The following TFDP1 variants were observed in gnomAD, a reference collection of about 807,000 sequenced individuals.
TFDP1 encodes DRTF1-polypeptide 1.
TFDP1 carries 6 observed loss-of-function variants against 48.0 expected under a neutral mutation model. The observed-to-expected ratio is 0.13, with a 90% CI of 0.07 to 0.25. The LOEUF (loss-of-function observed/expected upper bound fraction) is 0.25. TFDP1 is among the 10% of genes least tolerant of loss of function. The pLI is 1.00. For synonymous variants in TFDP1, 201 were observed against 211.6 expected (o/e 0.95, Z 0.44); for missense variants, 335 against 543.0 (o/e 0.62, Z 3.81).
intron 1 of TFDP1, among the ~76,000 whole-genome samples, 173 bp downstream of exon 1, chr13:113,585,061 G>A (rs887932990): frequency 6.8e-6 from 1 of 146,730 alleles, no homozygotes; most frequent in African/African-American, 2.4e-5. Context: ...CGCGCTCGGC[G>A]CTGGTAGGGG....
At chr13:113,632,460 A>C (rs2049361694) in intron 5 of TFDP1, among the ~76,000 whole-genome samples, 1 of 152,200 alleles carries the variant, frequency 6.6e-6, no homozygotes, top group South Asian at 2.1e-4. Context: ...CCAAATTTAC[A>C]CTGAAACGTC....
intron 2 of TFDP1, among the ~76,000 whole-genome samples, chr13:113,602,245 G>A (rs979887949): frequency 6.6e-6 from 1 of 151,306 alleles, no homozygotes; most frequent in Non-Finnish European, 1.5e-5. Flanking sequence ...TGCAGGAGTC[G>A]AGGGAGGAGT....
rs1477478713 is a variant in TFDP1, at chr13:113,585,847, G to A, written c.10G>A (p.Asp4Asn). The A allele has an allele frequency of 1.2e-6, 2 of 1,600,242 alleles. No individual in the cohort carries two copies. The highest frequency in any genetic ancestry group is 1.7e-6 in the Non-Finnish European group (2 of 1,169,310). ...TCCCGGATCTGGTAACATGGCAAAAGATGTAAGTATGTTTGCTTCATGCTG... is the reference window on the plus strand; with the variant it reads ...TCCCGGATCTGGTAACATGGCAAAAAATGTAAGTATGTTTGCTTCATGCTG... MAK[D>N]AGLIEANGEL... The change falls in exon 2 of 12, where the codon GAT (aspartate) becomes AAT (asparagine). Residue 4 changes from aspartate to asparagine, a missense_variant and splice_region_variant. Physicochemically the swap from Asp to Asn is conservative, Grantham distance 23. Transcript: ENST00000375370.
chr13:113,629,653 G>A (rs1190058431), intron 4 of TFDP1, among the ~76,000 whole-genome samples: 1 of 152,214 alleles, frequency 6.6e-6, no homozygotes, highest in Non-Finnish European at 1.5e-5. Context: ...AAGGTAGGCT[G>A]GCTAAGCTGT....
intron 2 of TFDP1, 94 bp downstream of exon 2, chr13:113,585,943 G>A: frequency 7.3e-7 from 1 of 1,377,784 alleles, no homozygotes; most frequent in Non-Finnish European, 1.0e-6. Flanking sequence ...CAACACATAA[G>A]CTACAGTAGT....
intron 3 of TFDP1, among the ~76,000 whole-genome samples, chr13:113,617,514 CTTCACCTGCAGAACCA>C (rs1338454292): frequency 2.7e-5 from 4 of 147,726 alleles, no homozygotes; most frequent in Non-Finnish European, 4.5e-5. Context: ...CTGCAGAGCC[CTTCACCTGCAGAACCA>C]TTCACCTGCA....
chr13:113,620,536 A>G (rs991972375), intron 3 of TFDP1, among the ~76,000 whole-genome samples: 58 of 152,358 alleles, frequency 3.8e-4, no homozygotes, highest in Admixed American at 8.5e-4. Flanking sequence ...GTGTTTACTC[A>G]TCTGTATGTG....
At chr13:113,599,150 A>C (rs2048351452) in intron 2 of TFDP1, among the ~76,000 whole-genome samples, 1 of 151,068 alleles carries the variant, frequency 6.6e-6, no homozygotes, top group Non-Finnish European at 1.5e-5. Context: ...GCTATGTTTT[A>C]CTCAACAGTT....
chr13:113,632,225 C>T (rs980442683), intron 5 of TFDP1, among the ~76,000 whole-genome samples: 2 of 152,232 alleles, frequency 1.3e-5, no homozygotes, highest in Non-Finnish European at 2.9e-5. Context: ...TCCTTAAAAA[C>T]ACACACACGC....
At position 113,598,361 on chromosome 13, in the gene TFDP1, C is replaced by G. The variant is rs1342646529; in HGVS notation, c.12+12512C>G. Among the ~76,000 whole-genome samples, 2 of 152,168 alleles carry G rather than the reference C, an allele frequency of 1.3e-5. No individual in the cohort carries two copies. The highest frequency in any genetic ancestry group is 2.9e-5 in the Non-Finnish European group (2 of 68,042). On this transcript the variant is annotated intron_variant, in intron 2 of 11. Coordinates refer to ENST00000375370, the MANE Select transcript of TFDP1 (RefSeq NM_007111.5). The surrounding 1 kb of genome is among the most constrained non-coding windows in gnomAD (Gnocchi z 4.2). ...GGTGTTTTTCTGCTGGAAAAGCAGG[C>G]TTTAGAGTGGTGGCTGAAAGTCTCA...
At chr13:113,595,235 A>G (rs570764781) in intron 2 of TFDP1, among the ~76,000 whole-genome samples, 1 of 152,210 alleles carries the variant, frequency 6.6e-6, no homozygotes, top group Admixed American at 6.5e-5. Context: ...CTGGTCCCCA[A>G]ATCTCTTGGC....
intron 10 of TFDP1, 48 bp downstream of exon 10, chr13:113,636,748 C>T: frequency 6.3e-7 from 1 of 1,589,126 alleles, no homozygotes; most frequent in Non-Finnish European, 8.6e-7. Flanking sequence ...GGAATGGCCC[C>T]CAGCCTCCGA....
chr13:113,615,110 G>T (rs1197773150), intron 3 of TFDP1, among the ~76,000 whole-genome samples: 1 of 152,196 alleles, frequency 6.6e-6, no homozygotes, highest in African/African-American at 2.4e-5. Context: ...GCATCCACAG[G>T]CTCCCCAAGG....
intron 3 of TFDP1, among the ~76,000 whole-genome samples, chr13:113,612,905 TC>T (rs377153204): frequency 2.5e-4 from 38 of 152,282 alleles, no homozygotes; most frequent in Middle Eastern, 3.4e-3. Context: ...GGCCCCCAGA[TC>T]CCTCCCACAT....
Position 113,637,858 on chromosome 13 carries a change from G to A in TFDP1, c.1047G>A (p.Thr349=), listed in dbSNP as rs146505939. The A allele has an allele frequency of 6.3e-5, 101 of 1,614,134 alleles. No individual in the cohort carries two copies. In the African/African-American group the frequency reaches 8.8e-4, roughly 14 times the overall value. The change falls in exon 11 of 12, where the codon ACG becomes ACA. Residue 349 remains threonine, a synonymous_variant. Coordinates refer to ENST00000375370, the MANE Select transcript of TFDP1 (RefSeq NM_007111.5). ...CTGTTGGAGGCGTGTTCATCACGAC[G>A]GCAGGTTCCACGTCTAACGGCACAA... ...QGTVGGVFIT[T]AGSTSNGTRF...
At chr13:113,591,353 AAAAG>A (rs1424858206) in intron 2 of TFDP1, among the ~76,000 whole-genome samples, 5 of 152,140 alleles carry the variant, frequency 3.3e-5, no homozygotes, top group African/African-American at 4.8e-5. Context: ...AAAAAAAAAA[AAAAG>A]AAAAAAGTTT....
At chr13:113,602,193 G>C (rs1431801950) in intron 2 of TFDP1, among the ~76,000 whole-genome samples, 1 of 151,644 alleles carries the variant, frequency 6.6e-6, no homozygotes, top group Non-Finnish European at 1.5e-5. Context: ...GGAGTGGACG[G>C]AGTTACCCGC....
intron 4 of TFDP1, among the ~76,000 whole-genome samples, chr13:113,630,884 C>T (rs2049316864): frequency 6.6e-6 from 1 of 152,170 alleles, no homozygotes; most frequent in Admixed American, 6.5e-5. Context: ...GGGTCAGTGT[C>T]CACACTGGCG....
chr13:113,622,845 C>T (rs1484262935), intron 3 of TFDP1, among the ~76,000 whole-genome samples: 2 of 152,256 alleles, frequency 1.3e-5, no homozygotes, highest in Non-Finnish European at 2.9e-5. Flanking sequence ...TTTTAAAATT[C>T]TGTTCCATAA....
Sources: allele counts gnomAD v4.1 joint callset (sites outside exome capture counted in the v4.1 genomes callset), GRCh38; gene constraint gnomAD v4.1.1; non-coding constraint Gnocchi (gnomAD v3.1); transcripts MANE v1.5; gene names NCBI Gene and HGNC (gene_info 2026-07-23, HGNC 2026-07-21).